Variants in STK3 observed in about 807,000 individuals in gnomAD.
STK3 encodes the protein serine/threonine-protein kinase 3.
A neutral mutation model predicts 58.0 loss-of-function variants in STK3; 41 were observed. That is an observed-to-expected ratio of 0.71 (90% CI 0.55 to 0.92). STK3 has a LOEUF of 0.92. Ranked by LOEUF, STK3 falls within the 40% of genes least tolerant of loss-of-function variation. STK3 has a pLI of 0.00. For synonymous variants in STK3, 170 were observed against 191.0 expected (o/e 0.89, Z 0.91); for missense variants, 479 against 602.7 (o/e 0.79, Z 2.15).
At chr8:98,637,122 T>C (rs914878817) in intron 6 of STK3, among the ~76,000 whole-genome samples, 1 of 151,862 alleles carries the variant, frequency 6.6e-6, no homozygotes, top group Admixed American at 6.6e-5. Flanking sequence ...AAAACCAATG[T>C]TTTTTTACAG....
At chr8:98,450,326 T>A (rs1819143496), downstream of STK3, among the ~76,000 whole-genome samples, 1 of 152,044 alleles carries the variant, frequency 6.6e-6, no homozygotes, top group African/African-American at 2.4e-5. Context: ...CTAAAAAGAG[T>A]TAAAAGTTTG....
At chr8:98,444,806 G>A (rs1163881924) in intron 1 of STK3, among the ~76,000 whole-genome samples, 3 of 152,180 alleles carry the variant, frequency 2.0e-5, no homozygotes, top group African/African-American at 7.2e-5. Context: ...TTGCACATGA[G>A]TTACTAAACT....
chr8:98,378,735 T>A (rs889653052), intron 2 of STK3, among the ~76,000 whole-genome samples: 2 of 152,160 alleles, frequency 1.3e-5, no homozygotes, highest in African/African-American at 4.8e-5. Context: ...CTCTGGCTGC[T>A]TTCATATTGG....
downstream of STK3, chr8:98,401,340 C>T (rs1817942166): frequency 6.6e-6 from 1 of 152,206 alleles, no homozygotes; most frequent in Admixed American, 6.5e-5. Flanking sequence ...CCAGCGGAGC[C>T]CAGCCAACCC....
At chr8:98,430,790 T>C (rs1055005346) in intron 3 of STK3, 1 of 167,090 alleles carries the variant, frequency 6.0e-6, no homozygotes, top group Non-Finnish European at 1.5e-5. Flanking sequence ...AACTGCTAGT[T>C]CATAAAATGT....
chr8:98,611,960 A>G (rs1722396426), intron 6 of STK3, among the ~76,000 whole-genome samples: 1 of 151,820 alleles, frequency 6.6e-6, no homozygotes, highest in African/African-American at 2.4e-5. Context: ...AAACTAGGAA[A>G]ACTAATTCAG....
chr8:98,539,767 T>C (rs965405556), intron 9 of STK3, among the ~76,000 whole-genome samples: 7 of 152,110 alleles, frequency 4.6e-5, no homozygotes, highest in African/African-American at 1.7e-4. Context: ...CTTTTTTGTT[T>C]TTCTGAGATA....
intron 3 of STK3, among the ~76,000 whole-genome samples, chr8:98,832,572 T>C (rs1835578036): frequency 6.6e-6 from 1 of 152,104 alleles, no homozygotes; most frequent in South Asian, 2.1e-4. Context: ...AGTTCCTGTT[T>C]AACTCAGGAA....
At chr8:98,687,788 T>C (rs1824108376) in intron 6 of STK3, among the ~76,000 whole-genome samples, 1 of 152,046 alleles carries the variant, frequency 6.6e-6, no homozygotes, top group Non-Finnish European at 1.5e-5. Context: ...GGTCTAAACA[T>C]GGAAACAAAA....
chr8:98,721,284 A>G (rs1827404645), intron 4 of STK3: 1 of 235,058 alleles, frequency 4.3e-6, no homozygotes, highest in Non-Finnish European at 6.9e-6. Context: ...CAAAGAAAGA[A>G]TTATGAGAAC....
chr8:98,467,226 G>T (rs1002248026), intron 10 of STK3, among the ~76,000 whole-genome samples: 1 of 152,122 alleles, frequency 6.6e-6, no homozygotes, highest in Non-Finnish European at 1.5e-5. Flanking sequence ...GGTAAGGAGA[G>T]AACTATTTTC....
intron 1 of STK3, among the ~76,000 whole-genome samples, chr8:98,937,719 T>C (rs1465013821): frequency 6.6e-6 from 1 of 152,188 alleles, no homozygotes; most frequent in Non-Finnish European, 1.5e-5. Flanking sequence ...ATTTTTAGAG[T>C]TGGCTTGACT....
At chr8:98,460,639 G>A (rs1439578939) in intron 10 of STK3, among the ~76,000 whole-genome samples, 1 of 152,164 alleles carries the variant, frequency 6.6e-6, no homozygotes, top group Non-Finnish European at 1.5e-5. Context: ...TGTGTCTAGA[G>A]AGAGACCTGG....
rs1834598458 is a variant in STK3 at position 98,817,048 on chromosome 8, A to G, written c.26+8467T>C. ...TACTAATGTTTTATTTTGCAATAAA[A>G]AGATTTTTTTTAAAATAGCAGGTTA... On this transcript the variant is annotated intron_variant, in intron 1 of 10. Coordinates refer to ENST00000419617, the MANE Select transcript of STK3 (RefSeq NM_006281.4). Among the ~76,000 whole-genome samples, 3 of 152,258 alleles carry G rather than the reference A, an allele frequency of 2.0e-5. No individual in the cohort carries two copies. In the South Asian group the frequency reaches 6.2e-4, roughly 32 times the overall value.
intron 4 of STK3, among the ~76,000 whole-genome samples, chr8:98,745,000 A>T (rs535608028): frequency 6.6e-6 from 1 of 152,206 alleles, no homozygotes; most frequent in Admixed American, 6.5e-5. Flanking sequence ...CTATTGCAAG[A>T]TAAGAGTGAC....
At chr8:98,568,981 T>G (rs2131673109) in intron 8 of STK3, among the ~76,000 whole-genome samples, 1 of 152,224 alleles carries the variant, frequency 6.6e-6, no homozygotes, top group Middle Eastern at 3.4e-3. Context: ...GGGGAAAAGA[T>G]GTATACCAAG....
chr8:98,714,419 G>T (rs1428076378), intron 4 of STK3, among the ~76,000 whole-genome samples: 1 of 152,108 alleles, frequency 6.6e-6, no homozygotes, highest in Non-Finnish European at 1.5e-5. Flanking sequence ...AAGCCAACAG[G>T]CAACTTCAGC....
At chr8:98,714,774 A>C (rs1168196554) in intron 4 of STK3, among the ~76,000 whole-genome samples, 1 of 152,208 alleles carries the variant, frequency 6.6e-6, no homozygotes, top group Non-Finnish European at 1.5e-5. Flanking sequence ...CAGAATTGGA[A>C]AAAACTATTT....
At chr8:98,823,361 G>A (rs1835032470) in intron 1 of STK3, among the ~76,000 whole-genome samples, 1 of 152,194 alleles carries the variant, frequency 6.6e-6, no homozygotes, top group African/African-American at 2.4e-5. Flanking sequence ...TAAGGATTAA[G>A]AGCAGAATAA....
Sources: allele counts gnomAD v4.1 joint callset (sites outside exome capture counted in the v4.1 genomes callset), GRCh38; gene constraint gnomAD v4.1.1; transcripts MANE v1.5; gene names NCBI Gene and HGNC (gene_info 2026-07-23, HGNC 2026-07-21).